FOXN4: variants seen among roughly 807,000 people sequenced by gnomAD.
FOXN4 encodes forkhead box protein N4.
A neutral mutation model predicts 45.0 loss-of-function variants in FOXN4; 12 were observed. The ratio of observed to expected loss-of-function variants is 0.27; its 90% confidence interval spans 0.17 to 0.43. The LOEUF (loss-of-function observed/expected upper bound fraction) is 0.43, where lower values mean the gene tolerates loss of function less well. FOXN4 is among the 20% of genes least tolerant of loss of function. The pLI is 1.00. For missense variants in FOXN4, 560 were observed against 694.9 expected, an observed-to-expected ratio of 0.81 and a Z score of 2.18; for synonymous variants, 297 against 295.0, an observed-to-expected ratio of 1.01 and a Z score of -0.07.
chr12:109,289,949 G>A (rs1285126669), intron 3 of FOXN4, among the ~76,000 whole-genome samples, 192 bp downstream of exon 3: 1 of 152,162 alleles, frequency 6.6e-6, no homozygotes, highest in Non-Finnish European at 1.5e-5. Flanking sequence ...AGGGCCTGGC[G>A]CACAGTTAAG....
chr12:109,298,199 A>C (rs1325990184), intron 2 of FOXN4, among the ~76,000 whole-genome samples: 1 of 152,088 alleles, frequency 6.6e-6, no homozygotes, highest in Admixed American at 6.6e-5. Flanking sequence ...GGAGCTGTGC[A>C]TTAGGGCATC....
chr12:109,288,135 C>G lies in FOXN4; in HGVS notation c.278G>C (p.Ser93Thr), dbSNP rs1322906032. 5 of 1,546,280 alleles carry G rather than the reference C, an allele frequency of 3.2e-6. No homozygotes were observed. The highest frequency in any genetic ancestry group is 4.4e-6 in the Non-Finnish European group (5 of 1,145,730). Reference protein sequence around the residue: ...VADLHVGATPSPLLHGPAGMA... With the variant: ...VADLHVGATPTPLLHGPAGMA... ...GCCTGCTGGGCCATGGAGAAGGGGA[C>G]TTGGAGTGGCTCCCACATGCAGGTC... Residue 93 changes from serine (S) to threonine (T), a missense_variant, in exon 4 of 10, where the codon AGT (serine) becomes ACT (threonine). This residue lies in a region of FOXN4 where 142 missense variants were observed against 185.7 expected (regional missense o/e 0.76). Transcript: ENST00000299162. This position sits in a 1 kb window ranked among gnomAD's most constrained non-coding sequence, Gnocchi z 4.3.
At chr12:109,305,574 T>C (rs962369206) in intron 2 of FOXN4, among the ~76,000 whole-genome samples, 3 of 151,714 alleles carry the variant, frequency 2.0e-5, no homozygotes, top group Admixed American at 2.0e-4. Context: ...CTACTAAAAA[T>C]AAAAAATTAG....
chr12:109,286,563 T>C, intron 7 of FOXN4, 85 bp downstream of exon 7: 2 of 1,344,452 alleles, frequency 1.5e-6, no homozygotes, highest in Non-Finnish European at 2.1e-6. Flanking sequence ...CCAAAGAGGG[T>C]TGGCCCAGGG....
chr12:109,283,462 T>C (rs1415743443), intron 8 of FOXN4, among the ~76,000 whole-genome samples: 1 of 149,822 alleles, frequency 6.7e-6, no homozygotes. Context: ...CCTTTTCACT[T>C]ATTGTTTGAG....
intron 8 of FOXN4, among the ~76,000 whole-genome samples, chr12:109,284,773 G>A (rs1365541748): frequency 6.6e-6 from 1 of 151,058 alleles, no homozygotes; most frequent in Non-Finnish European, 1.5e-5. Flanking sequence ...GTGCATTTGT[G>A]TGCATTTGTG....
chr12:109,281,344 C>T, intron 9 of FOXN4, 63 bp downstream of exon 9: 1 of 1,586,410 alleles, frequency 6.3e-7, no homozygotes, highest in Non-Finnish European at 8.6e-7. Flanking sequence ...CCCTCACTCC[C>T]TTTGGCCCCC....
Position 109,290,259 on chromosome 12 carries a change from GTCA to G in FOXN4, c.111_113del (p.Asp38del). On this transcript the variant is annotated inframe_deletion, in exon 3 of 10. Coordinates refer to ENST00000299162, the MANE Select transcript of FOXN4 (RefSeq NM_213596.3). This position sits in a 1 kb window ranked among gnomAD's most constrained non-coding sequence, Gnocchi z 5.1. The stretch of plus-strand genomic sequence containing the variant: ...ACAGCGACTGCAGGTCCCCGGGAAG[GTCA>G]TCATCGCTGGTGGTGGCTAGAAGCC... The G allele has an allele frequency of 1.3e-6, 2 of 1,550,910 alleles. No homozygotes were observed. Among genetic ancestry groups the G allele is most frequent in the Non-Finnish European group, 1.7e-6 (2 of 1,146,658 alleles).
intron 2 of FOXN4, among the ~76,000 whole-genome samples, chr12:109,296,882 G>A (rs1371188505): frequency 1.3e-5 from 2 of 152,224 alleles, no homozygotes; most frequent in East Asian, 1.9e-4. Flanking sequence ...CCTGGTGTGC[G>A]CCCAGCCCTG....
chr12:109,287,819 C>T lies in FOXN4; in HGVS notation c.468+25G>A. The T allele has an allele frequency of 6.5e-7, 1 of 1,536,772 alleles. No individual in the cohort carries two copies. Among genetic ancestry groups the T allele is most frequent in the African/African-American group, 1.4e-5 (1 of 72,668 alleles). On this transcript the variant is annotated intron_variant, in intron 5 of 9. Coordinates refer to ENST00000299162, the MANE Select transcript of FOXN4 (RefSeq NM_213596.3). This position sits in a 1 kb window ranked among gnomAD's most constrained non-coding sequence, Gnocchi z 4.1. Reference sequence around the variant, plus strand: ...AAGGCAGGGTGTCTGCTGCTCAGTCCAGGGCTCCCCTGAGCCCTTGGTACC... The same window carrying T: ...AAGGCAGGGTGTCTGCTGCTCAGTCTAGGGCTCCCCTGAGCCCTTGGTACC...
intron 8 of FOXN4, among the ~76,000 whole-genome samples, chr12:109,283,983 G>T (rs1039438064): frequency 6.6e-6 from 1 of 152,200 alleles, no homozygotes; most frequent in Non-Finnish European, 1.5e-5. Context: ...CACATCATCA[G>T]AAGTAGAATA....
At chr12:109,302,099 C>G (rs1403219903) in intron 2 of FOXN4, among the ~76,000 whole-genome samples, 1 of 152,206 alleles carries the variant, frequency 6.6e-6, no homozygotes, top group Non-Finnish European at 1.5e-5. Flanking sequence ...CTTACCCGCT[C>G]CTCCCTTCTA....
At position 109,287,370 on chromosome 12, in the gene FOXN4, C is replaced by A; in HGVS notation, c.596+27G>T. ...CCTCTCTCCCGGAGCCGCCCTTGGCCCTGACCCGGCCCACCCTGGACCTCA... is the reference window on the plus strand; with the variant it reads ...CCTCTCTCCCGGAGCCGCCCTTGGCACTGACCCGGCCCACCCTGGACCTCA... On this transcript the variant is annotated intron_variant, in intron 6 of 9. Transcript: ENST00000299162. This position sits in a 1 kb window ranked among gnomAD's most constrained non-coding sequence, Gnocchi z 4.1. The A allele has an allele frequency of 6.4e-7, 1 of 1,551,158 alleles. No homozygotes were observed. Among genetic ancestry groups the A allele is most frequent in the Non-Finnish European group, 8.7e-7 (1 of 1,146,786 alleles).
At chr12:109,292,073 C>T (rs919796909) in intron 2 of FOXN4, among the ~76,000 whole-genome samples, 3 of 152,210 alleles carry the variant, frequency 2.0e-5, no homozygotes, top group African/African-American at 7.2e-5. Context: ...GGTGCAGGGG[C>T]AGGGCCTGCT....
intron 1 of FOXN4, 40 bp from the exon 2 acceptor site, chr12:109,308,364 G>A (rs1188433773): frequency 7.0e-7 from 1 of 1,419,044 alleles, no homozygotes; most frequent in Non-Finnish European, 9.7e-7. Flanking sequence ...TCCCATCAGC[G>A]ACGATATGGA....
chr12:109,286,874 A>T, intron 6 of FOXN4, 130 bp from the exon 7 acceptor site: 1 of 1,443,706 alleles, frequency 6.9e-7, no homozygotes, highest in South Asian at 1.5e-5. Context: ...AAACACTCAC[A>T]CACAGTGAGC....
At position 109,291,926 on chromosome 12, in the gene FOXN4, T is replaced by TGCCACCCCTCCGGCC. The variant is rs983022531; in HGVS notation, c.87-1655_87-1641dup. Among the ~76,000 whole-genome samples, 5 of 149,024 alleles carry TGCCACCCCTCCGGCC rather than the reference T, an allele frequency of 3.4e-5. No individual in the cohort carries two copies. Among genetic ancestry groups the TGCCACCCCTCCGGCC allele is most frequent in the East Asian group, 1.9e-4 (1 of 5,164 alleles). ...GCAATTGTTTCTGCAGCCCCCCGGC[T>TGCCACCCCTCCGGCC]GCCACCCCTCCGGCCGCCACCCCTC... On this transcript the variant is annotated intron_variant, in intron 2 of 9. Transcript: ENST00000299162. This position sits in a 1 kb window ranked among gnomAD's most constrained non-coding sequence, Gnocchi z 6.6.
intron 2 of FOXN4, among the ~76,000 whole-genome samples, chr12:109,299,536 G>C (rs188733269): frequency 3.9e-5 from 6 of 152,118 alleles, no homozygotes; most frequent in Non-Finnish European, 7.4e-5. Flanking sequence ...GCAGCCCCAG[G>C]TAGCTGCTTC....
chr12:109,300,202 C>T (rs952400336), intron 2 of FOXN4, among the ~76,000 whole-genome samples: 1 of 152,158 alleles, frequency 6.6e-6, no homozygotes, highest in Admixed American at 6.5e-5. Context: ...GTGTCCGGCA[C>T]TCGGGAAGTG....
Sources: gnomAD v4.1 joint callset for allele counts (sites outside exome capture counted in the v4.1 genomes callset) on GRCh38, gnomAD v4.1.1 for gene constraint, gnomAD v4.1.1 regional missense constraint, Gnocchi (gnomAD v3.1) non-coding constraint, MANE v1.5 for transcripts, NCBI Gene and HGNC (gene_info 2026-07-23, HGNC 2026-07-21) for gene names.